FAM43B: variants seen among roughly 807,000 people sequenced by gnomAD.
FAM43B encodes the protein family with sequence similarity 43 member B.
FAM43B carries 17 observed loss-of-function variants against 20.1 expected under a neutral mutation model. That is an observed-to-expected ratio of 0.84 (90% CI 0.58 to 1.27). FAM43B has a LOEUF of 1.27. Among genes scored for constraint, FAM43B ranks in the 50% most tolerant of loss-of-function variants. FAM43B has a pLI of 0.00. For synonymous variants in FAM43B, 208 were observed against 238.5 expected, an observed-to-expected ratio of 0.87 and a Z score of 1.18; for missense variants, 512 against 516.7, an observed-to-expected ratio of 0.99 and a Z score of 0.09.
chr1:20,554,517 CGCCTTGGAG>C lies in FAM43B; in HGVS notation c.*556_*564del, dbSNP rs1050324205. The C allele has an allele frequency of 6.0e-6, 1 of 167,426 alleles. No homozygotes were observed. The highest frequency in any genetic ancestry group is 1.5e-5 in the Non-Finnish European group (1 of 68,394). 10.4% of individuals were successfully genotyped at this position (167,426 alleles called of 1,614,324 possible). ...CTCACGCCCAAGCCCCGCCTCTCTA[CGCCTTGGAG>C]GACTCCTGTGACTTCACTGCTCTGC... On this transcript the variant is annotated 3_prime_UTR_variant, in exon 1 of 1. Transcript: ENST00000332947.
chr1:20,553,916 C>T lies in FAM43B; in HGVS notation c.943C>T (p.Arg315Cys), dbSNP rs1028694448. ...GGCGCCCCCGCCGCCCGCGCAGCCC[C>T]GCCGCTGGAAGGCCGGCCCCAGGGA... ...APAPPPPAQP[R>C]RWKAGPRERA... Residue 315 changes from arginine (R) to cysteine (C), a missense_variant, in exon 1 of 1, where the codon CGC becomes TGC. Arg to Cys is a radical substitution (Grantham distance 180, BLOSUM62 -3). Transcript: ENST00000332947. The surrounding 1 kb of genome is among the most constrained non-coding windows in gnomAD (Gnocchi z 6.5). 3.2e-5 allele frequency: 40 copies of T among 1,255,596 alleles called. No individual in the cohort carries two copies. The highest frequency in any genetic ancestry group is 6.2e-4 in the Middle Eastern group (2 of 3,220). The allele number at this position is 1,255,596 out of a possible 1,614,324, so 77.8% of individuals were successfully genotyped here. A position where few individuals can be genotyped will look rare whatever the true frequency, so the allele number is the denominator to read the frequency against.
rs2052144215 is a variant in FAM43B at position 20,552,679 on chromosome 1, A to C, written c.-295A>C. ...GCTTGGTGGACGTCCAGCCCACCTC[A>C]CCCCCAGCCCCGGCCCCTCCTCGCT... is the stretch of plus-strand genomic sequence containing the variant. On this transcript the variant is annotated 5_prime_UTR_variant, in exon 1 of 1. Transcript: ENST00000332947. The C allele has an allele frequency of 2.2e-6, 1 of 463,804 alleles. No individual in the cohort carries two copies. Among genetic ancestry groups the C allele is most frequent in the Non-Finnish European group, 3.8e-6 (1 of 260,166 alleles). 28.7% of individuals were successfully genotyped at this position (463,804 alleles called of 1,614,324 possible).
Position 20,554,025 on chromosome 1 carries a change from C to T in FAM43B, c.*62C>T, listed in dbSNP as rs1035661863. 13 of 1,202,654 alleles carry T rather than the reference C, an allele frequency of 1.1e-5. No individual in the cohort carries two copies. In the African/African-American group the frequency reaches 1.9e-4, roughly 18 times the overall value. The allele number at this position is 1,202,654 out of a possible 1,614,324, so 74.5% of individuals were successfully genotyped here. ...CCGCCAGACTCACAGCCTCCAACCC[C>T]GGCCCTGCCCGCTTCGGCTGCCCCG... On this transcript the variant is annotated 3_prime_UTR_variant, in exon 1 of 1. Transcript: ENST00000332947.
In FAM43B at chr1:20,552,980, C is replaced by T; in HGVS notation, c.7C>T (p.Pro3Ser). 3 of 1,613,226 alleles carry T rather than the reference C, an allele frequency of 1.9e-6. No individual in the cohort carries two copies. Among genetic ancestry groups the T allele is most frequent in the Non-Finnish European group, 2.5e-6 (3 of 1,179,856 alleles). ML[P>S]WRRNKFVLVE... ...CCCTTTCGCCGCCGCCGCGATGCTGCCCTGGAGACGTAACAAATTCGTGCT... is the reference window on the plus strand; with the variant it reads ...CCCTTTCGCCGCCGCCGCGATGCTGTCCTGGAGACGTAACAAATTCGTGCT... The change falls in exon 1 of 1, where the codon CCC (proline) becomes TCC (serine). Residue 3 changes from proline to serine, a missense_variant. By Grantham distance (74) the Pro-to-Ser change is moderately conservative. Coordinates refer to ENST00000332947, the MANE Select transcript of FAM43B (RefSeq NM_207334.3).
Position 20,553,491 on chromosome 1 carries a change from TGCTGCGCTGCCAC to T in FAM43B, c.523_535del (p.Arg175CysfsTer119). 1 of 1,395,152 alleles carries T rather than the reference TGCTGCGCTGCCAC, an allele frequency of 7.2e-7. No homozygotes were observed. Among genetic ancestry groups the T allele is most frequent in the Non-Finnish European group, 9.2e-7 (1 of 1,085,774 alleles). The allele number at this position is 1,395,152 out of a possible 1,614,324, so 86.4% of individuals were successfully genotyped here. On this transcript the variant is annotated frameshift_variant, in exon 1 of 1. Coordinates refer to ENST00000332947, the MANE Select transcript of FAM43B (RefSeq NM_207334.3). LOFTEE classifies it high-confidence loss of function. The surrounding 1 kb of genome is among the most constrained non-coding windows in gnomAD (Gnocchi z 6.5). The stretch of plus-strand genomic sequence containing the variant: ...CACCAGGCGCGCCACAAGGCCGTGG[TGCTGCGCTGCCAC>T]GCTGTGCTGCTGGCGCGGGCGCACA...
In FAM43B at chr1:20,553,389, A is replaced by G; in HGVS notation, c.416A>G (p.His139Arg). ...AGGSGGRRPA[H>R]AYLLPRITYC... ...GGTTCGGGGGGCCGCAGGCCGGCGCACGCCTACCTGCTGCCGCGCATCACC... is the reference window on the plus strand; with the variant it reads ...GGTTCGGGGGGCCGCAGGCCGGCGCGCGCCTACCTGCTGCCGCGCATCACC... The change falls in exon 1 of 1, where the codon CAC (histidine) becomes CGC (arginine). Residue 139 changes from histidine to arginine, a missense_variant. Coordinates refer to ENST00000332947, the MANE Select transcript of FAM43B (RefSeq NM_207334.3). This position sits in a 1 kb window ranked among gnomAD's most constrained non-coding sequence, Gnocchi z 6.5. 13 of 1,470,882 alleles carry G rather than the reference A, an allele frequency of 8.8e-6. No homozygotes were observed. Among genetic ancestry groups the G allele is most frequent in the Non-Finnish European group, 1.2e-5 (13 of 1,121,288 alleles). The allele number at this position is 1,470,882 out of a possible 1,614,324, so 91.1% of individuals were successfully genotyped here.
At position 20,553,057 on chromosome 1, in the gene FAM43B, C is replaced by T. The variant is rs748963332; in HGVS notation, c.84C>T (p.Ala28=). 9 of 1,613,450 alleles carry T rather than the reference C, an allele frequency of 5.6e-6. No individual in the cohort carries two copies. The highest frequency in any genetic ancestry group is 6.8e-6 in the Non-Finnish European group (8 of 1,179,870). Residue 28 remains alanine, a synonymous_variant, in exon 1 of 1, where the codon GCC becomes GCT. Transcript: ENST00000332947. The surrounding 1 kb of genome is among the most constrained non-coding windows in gnomAD (Gnocchi z 6.5). Reference sequence around the variant, plus strand: ...CGAAGAGCCTGAGTCCGGGGCTCGCCTACACGTCGCTGCTCTCCAGCTTCC... The same window carrying T: ...CGAAGAGCCTGAGTCCGGGGCTCGCTTACACGTCGCTGCTCTCCAGCTTCC... The part of the protein sequence containing the change: ...CKAKSLSPGL[A]YTSLLSSFLR...
Position 20,552,940 on chromosome 1 carries a change from C to T in FAM43B, c.-34C>T. ...TCTCCCGACAGGACGCCGGTGAGCTCCCTGCGCCCCCAGCCCCTTTCGCCG... is the reference window on the plus strand; with the variant it reads ...TCTCCCGACAGGACGCCGGTGAGCTTCCTGCGCCCCCAGCCCCTTTCGCCG... On this transcript the variant is annotated 5_prime_UTR_variant, in exon 1 of 1. Coordinates refer to ENST00000332947, the MANE Select transcript of FAM43B (RefSeq NM_207334.3). 6 of 1,608,098 alleles carry T rather than the reference C, an allele frequency of 3.7e-6. No individual in the cohort carries two copies. Among genetic ancestry groups the T allele is most frequent in the Non-Finnish European group, 5.1e-6 (6 of 1,178,006 alleles).
chr1:20,553,657 C>T lies in FAM43B; in HGVS notation c.684C>T (p.Ala228=), dbSNP rs2052157832. The part of the protein sequence containing the change: ...RQQHLRAGGA[A]ASVPRAPLRR... Reference sequence around the variant, plus strand: ...AGCATCTCCGCGCTGGGGGCGCCGCCGCCTCGGTGCCCCGCGCCCCACTGC... The same window carrying T: ...AGCATCTCCGCGCTGGGGGCGCCGCTGCCTCGGTGCCCCGCGCCCCACTGC... Residue 228 remains alanine (A), a synonymous_variant, in exon 1 of 1, where the codon GCC becomes GCT. Transcript: ENST00000332947. The surrounding 1 kb of genome is among the most constrained non-coding windows in gnomAD (Gnocchi z 6.5). The T allele has an allele frequency of 7.7e-7, 1 of 1,294,608 alleles. No homozygotes were observed. The highest frequency in any genetic ancestry group is 9.7e-7 in the Non-Finnish European group (1 of 1,027,140). The allele number at this position is 1,294,608 out of a possible 1,614,324, so 80.2% of individuals were successfully genotyped here. A position where few individuals can be genotyped will look rare whatever the true frequency, so the allele number is the denominator to read the frequency against.
At position 20,553,349 on chromosome 1, in the gene FAM43B, C is replaced by T; in HGVS notation, c.376C>T (p.Arg126Cys). ...CGGCATCCGCATGCAGCCGTGCGAG[C>T]GCAGCGCCGCCGGGGGTTCGGGGGG... Reference protein sequence around the residue: ...PHGIRMQPCERSAAGGSGGRR... With the variant: ...PHGIRMQPCECSAAGGSGGRR... The change falls in exon 1 of 1, where the codon CGC (arginine) becomes TGC (cysteine). Residue 126 changes from arginine (R) to cysteine (C), a missense_variant. Physicochemically the swap from Arg to Cys is radical, Grantham distance 180. Coordinates refer to ENST00000332947, the MANE Select transcript of FAM43B (RefSeq NM_207334.3). The surrounding 1 kb of genome is among the most constrained non-coding windows in gnomAD (Gnocchi z 6.5). 6.7e-7 allele frequency: 1 copy of T among 1,499,630 alleles called. No homozygotes were observed. The allele number at this position is 1,499,630 out of a possible 1,614,324, so 92.9% of individuals were successfully genotyped here.
At position 20,553,360 on chromosome 1, in the gene FAM43B, C is replaced by T. The variant is rs994663040; in HGVS notation, c.387C>T (p.Ala129=). ...TGCAGCCGTGCGAGCGCAGCGCCGCCGGGGGTTCGGGGGGCCGCAGGCCGG... is the reference window on the plus strand; with the variant it reads ...TGCAGCCGTGCGAGCGCAGCGCCGCTGGGGGTTCGGGGGGCCGCAGGCCGG... ...IRMQPCERSA[A]GGSGGRRPAH... is the part of the protein sequence containing the mutation. Residue 129 remains alanine, a synonymous_variant, in exon 1 of 1, where the codon GCC becomes GCT. Transcript: ENST00000332947. The surrounding 1 kb of genome is among the most constrained non-coding windows in gnomAD (Gnocchi z 6.5). 2.0e-6 allele frequency: 3 copies of T among 1,482,104 alleles called. No homozygotes were observed. Among genetic ancestry groups the T allele is most frequent in the Non-Finnish European group, 2.7e-6 (3 of 1,124,512 alleles). 91.8% of individuals were successfully genotyped at this position (1,482,104 alleles called of 1,614,324 possible).
At position 20,553,668 on chromosome 1, in the gene FAM43B, C is replaced by T. The variant is rs2101144686; in HGVS notation, c.695C>T (p.Pro232Leu). 4 of 1,331,468 alleles carry T rather than the reference C, an allele frequency of 3.0e-6. No homozygotes were observed. The highest frequency in any genetic ancestry group is 3.8e-6 in the Non-Finnish European group (4 of 1,043,174). The allele number at this position is 1,331,468 out of a possible 1,614,324, so 82.5% of individuals were successfully genotyped here. The change falls in exon 1 of 1, where the codon CCC becomes CTC. Residue 232 changes from proline to leucine, a missense_variant. Physicochemically the swap from Pro to Leu is moderately conservative, Grantham distance 98. Coordinates refer to ENST00000332947, the MANE Select transcript of FAM43B (RefSeq NM_207334.3). The surrounding 1 kb of genome is among the most constrained non-coding windows in gnomAD (Gnocchi z 6.5). ...LRAGGAAASV[P>L]RAPLRRLLNA... ...GCTGGGGGCGCCGCCGCCTCGGTGC[C>T]CCGCGCCCCACTGCGCCGCCTGCTC...
Position 20,554,145 on chromosome 1 carries a change from G to A in FAM43B, c.*182G>A. 1 of 657,770 alleles carries A rather than the reference G, an allele frequency of 1.5e-6. No homozygotes were observed. The highest frequency in any genetic ancestry group is 2.1e-6 in the Non-Finnish European group (1 of 472,412). The allele number at this position is 657,770 out of a possible 1,614,324, so 40.7% of individuals were successfully genotyped here. A position where few individuals can be genotyped will look rare whatever the true frequency, so the allele number is the denominator to read the frequency against. ...ATGCCTGATACGCCCTTGGTTATTG[G>A]GGGGTGTTCCTCTCTCCCCACACCC... On this transcript the variant is annotated 3_prime_UTR_variant, in exon 1 of 1. Coordinates refer to ENST00000332947, the MANE Select transcript of FAM43B (RefSeq NM_207334.3).
rs2052165423 is a variant in FAM43B at position 20,553,968 on chromosome 1, C to G, written c.*5C>G. The G allele has an allele frequency of 4.9e-6, 6 of 1,218,956 alleles. No individual in the cohort carries two copies. The highest frequency in any genetic ancestry group is 8.9e-5 in the Admixed American group (2 of 22,592). 75.5% of individuals were successfully genotyped at this position (1,218,956 alleles called of 1,614,324 possible). On this transcript the variant is annotated 3_prime_UTR_variant, in exon 1 of 1. Coordinates refer to ENST00000332947, the MANE Select transcript of FAM43B (RefSeq NM_207334.3). This position sits in a 1 kb window ranked among gnomAD's most constrained non-coding sequence, Gnocchi z 6.5. ...CGGGCGGGCCAGGCGCGCTGAGAGC[C>G]GAAGGACAGGACTCGCAGCCCCAGG... is the stretch of plus-strand genomic sequence containing the variant.
Position 20,552,620 on chromosome 1 carries a change from C to T in FAM43B, c.-354C>T. 6.2e-6 allele frequency: 2 copies of T among 321,708 alleles called. No individual in the cohort carries two copies. Among genetic ancestry groups the T allele is most frequent in the Non-Finnish European group, 1.1e-5 (2 of 174,154 alleles). 19.9% of individuals were successfully genotyped at this position (321,708 alleles called of 1,614,324 possible). ...CCAGCGGCTCCGGCGACCCAAATTGCGGCGGCAGGGACCGCGGAAATCCCA... is the reference window on the plus strand; with the variant it reads ...CCAGCGGCTCCGGCGACCCAAATTGTGGCGGCAGGGACCGCGGAAATCCCA... On this transcript the variant is annotated 5_prime_UTR_variant, in exon 1 of 1. Transcript: ENST00000332947.
Position 20,552,792 on chromosome 1 carries a change from C to T in FAM43B, c.-182C>T. On this transcript the variant is annotated 5_prime_UTR_variant, in exon 1 of 1. Transcript: ENST00000332947. ...CCTCGGCTGCTGGCCCGGCTGGGCA[C>T]CGGGCATCTGCGAAGCTAGCCCTGC... 4.1e-6 allele frequency: 3 copies of T among 737,334 alleles called. No individual in the cohort carries two copies. In the East Asian group the frequency reaches 8.3e-5, roughly 20 times the overall value. 45.7% of individuals were successfully genotyped at this position (737,334 alleles called of 1,614,324 possible).
Position 20,553,650 on chromosome 1 carries a change from GCGC to G in FAM43B, c.685_687del (p.Ala229del). 7 of 1,287,524 alleles carry G rather than the reference GCGC, an allele frequency of 5.4e-6. No individual in the cohort carries two copies. Among genetic ancestry groups the G allele is most frequent in the Non-Finnish European group, 4.9e-6 (5 of 1,023,852 alleles). The allele number at this position is 1,287,524 out of a possible 1,614,324, so 79.8% of individuals were successfully genotyped here. A position where few individuals can be genotyped will look rare whatever the true frequency, so the allele number is the denominator to read the frequency against. On this transcript the variant is annotated inframe_deletion, in exon 1 of 1. Transcript: ENST00000332947. This position sits in a 1 kb window ranked among gnomAD's most constrained non-coding sequence, Gnocchi z 6.5. Reference sequence around the variant, plus strand: ...CGCCAGCAGCATCTCCGCGCTGGGGGCGCCGCCGCCTCGGTGCCCCGCGCCCCA... The same window carrying G: ...CGCCAGCAGCATCTCCGCGCTGGGGGCGCCGCCTCGGTGCCCCGCGCCCCA...
chr1:20,553,456 G>T lies in FAM43B; in HGVS notation c.483G>T (p.Trp161Cys). ...GGCGCCACCCGCGCGTCTTCGCCTGGGTCTACCGCCACCAGGCGCGCCACA... is the reference window on the plus strand; with the variant it reads ...GGCGCCACCCGCGCGTCTTCGCCTGTGTCTACCGCCACCAGGCGCGCCACA... ...ADGRHPRVFAWVYRHQARHKA... is the reference protein window; with the variant it reads ...ADGRHPRVFACVYRHQARHKA... The change falls in exon 1 of 1, where the codon TGG becomes TGT. Residue 161 changes from tryptophan (W) to cysteine (C), a missense_variant. Transcript: ENST00000332947. The surrounding 1 kb of genome is among the most constrained non-coding windows in gnomAD (Gnocchi z 6.5). The T allele has an allele frequency of 7.1e-7, 1 of 1,417,010 alleles. No homozygotes were observed. Among genetic ancestry groups the T allele is most frequent in the Non-Finnish European group, 9.1e-7 (1 of 1,099,102 alleles). The allele number at this position is 1,417,010 out of a possible 1,614,324, so 87.8% of individuals were successfully genotyped here.
chr1:20,553,415 T>G lies in FAM43B; in HGVS notation c.442T>G (p.Tyr148Asp). The G allele has an allele frequency of 6.9e-7, 1 of 1,452,616 alleles. No individual in the cohort carries two copies. The highest frequency in any genetic ancestry group is 9.0e-7 in the Non-Finnish European group (1 of 1,115,108). 90.0% of individuals were successfully genotyped at this position (1,452,616 alleles called of 1,614,324 possible). A position where few individuals can be genotyped will look rare whatever the true frequency, so the allele number is the denominator to read the frequency against. ...AHAYLLPRIT[Y>D]CTADGRHPRV... ...CGCCTACCTGCTGCCGCGCATCACC[T>G]ACTGCACGGCGGACGGGCGCCACCC... Residue 148 changes from tyrosine to aspartate, a missense_variant, in exon 1 of 1, where the codon TAC becomes GAC. Transcript: ENST00000332947. This position sits in a 1 kb window ranked among gnomAD's most constrained non-coding sequence, Gnocchi z 6.5.
Sources: allele counts gnomAD v4.1 joint callset, GRCh38; gene constraint gnomAD v4.1.1; non-coding constraint Gnocchi (gnomAD v3.1); transcripts MANE v1.5; gene names NCBI Gene and HGNC (gene_info 2026-07-23, HGNC 2026-07-21).